FRMPD4: variants seen among roughly 807,000 people sequenced by gnomAD.
FRMPD4 encodes FERM and PDZ domain-containing protein 4.
In FRMPD4, 22 loss-of-function variants were observed where a neutral mutation model predicts 94.1. That is an observed-to-expected ratio of 0.23 (90% CI 0.17 to 0.33). The LOEUF (loss-of-function observed/expected upper bound fraction) is 0.33. FRMPD4 is among the 10% of genes least tolerant of loss of function. The pLI is 1.00. For missense variants in FRMPD4, 1,111 were observed against 1,339.9 expected (o/e 0.83, Z 2.67); for synonymous variants, 631 against 548.6 (o/e 1.15, Z -2.10).
At chrX:11,878,617 A>G (rs1038015046) in intron 3 of FRMPD4, among the ~76,000 whole-genome samples, 1 of 112,511 alleles carries the variant, frequency 8.9e-6, no homozygotes, top group African/African-American at 3.2e-5. Flanking sequence ...AATTTTACAG[A>G]AAGTTCAGAC....
At chrX:12,667,600 G>C (rs2059793314) in intron 4 of FRMPD4, among the ~76,000 whole-genome samples, 1 of 112,554 alleles carries the variant, frequency 8.9e-6, no homozygotes, top group Non-Finnish European at 1.9e-5. Context: ...TCATTGTTTA[G>C]AGGGATTGTA....
chrX:11,962,465 C>T (rs2147373954), intron 3 of FRMPD4, among the ~76,000 whole-genome samples: 1 of 111,994 alleles, frequency 8.9e-6, no homozygotes, highest in Non-Finnish European at 1.9e-5. Flanking sequence ...AACACTATCA[C>T]ATTGGGTATT....
At chrX:12,674,992 G>A (rs1159352217) in intron 5 of FRMPD4, 84 bp downstream of exon 5, 6 of 636,716 alleles carry the variant, frequency 9.4e-6, no homozygotes, top group African/African-American at 2.2e-5. Flanking sequence ...CCATAATGAT[G>A]AATAACAGCA....
intron 3 of FRMPD4, among the ~76,000 whole-genome samples, chrX:12,106,363 T>C (rs1430010438): frequency 1.8e-5 from 2 of 111,767 alleles, no homozygotes; most frequent in Non-Finnish European, 3.8e-5. Context: ...TAATATACAA[T>C]AGGCCAATTT....
chrX:12,082,182 T>C (rs755876113), intron 3 of FRMPD4, among the ~76,000 whole-genome samples: 15 of 112,022 alleles, frequency 1.3e-4, no homozygotes, highest in Admixed American at 4.7e-4. Context: ...GGTTTGGCTG[T>C]GTCATGACCC....
intron 1 of FRMPD4, among the ~76,000 whole-genome samples, chrX:12,160,068 G>GGGGT (rs759761653): frequency 2.7e-3 from 274 of 100,077 alleles, no homozygotes; most frequent in Non-Finnish European, 3.3e-3. Flanking sequence ...GATGTTGAGG[G>GGGGT]GTGTGTGTGT....
chrX:12,384,983 G>T, intron 1 of FRMPD4, among the ~76,000 whole-genome samples: 1 of 112,402 alleles, frequency 8.9e-6, no homozygotes, highest in East Asian at 2.8e-4. Context: ...AAATTAAGCA[G>T]CAGGCCTGCT....
chrX:12,462,245 T>C (rs1272073064), intron 1 of FRMPD4, among the ~76,000 whole-genome samples: 3 of 111,819 alleles, frequency 2.7e-5, no homozygotes, highest in Non-Finnish European at 5.6e-5. Context: ...TTGTAGATAA[T>C]ACTCTATTTA....
chrX:11,958,832 A>T (rs1377057661), intron 3 of FRMPD4, among the ~76,000 whole-genome samples: 2 of 112,200 alleles, frequency 1.8e-5, no homozygotes, highest in African/African-American at 6.5e-5. Flanking sequence ...GCAAATTTGG[A>T]ACTAATTCTC....
intron 2 of FRMPD4, among the ~76,000 whole-genome samples, chrX:11,877,037 C>T (rs1007742961): frequency 8.9e-6 from 1 of 111,808 alleles, no homozygotes; most frequent in African/African-American, 3.3e-5. Flanking sequence ...TCAATAACGT[C>T]AAGGTTGAGA....
chrX:12,539,256 C>T (rs1033476719), intron 2 of FRMPD4, among the ~76,000 whole-genome samples: 5 of 111,459 alleles, frequency 4.5e-5, no homozygotes, highest in Non-Finnish European at 7.5e-5. Flanking sequence ...TAAAAAGAAA[C>T]GAACAAAGCC....
At chrX:11,996,518 T>C (rs2054497125) in intron 3 of FRMPD4, among the ~76,000 whole-genome samples, 1 of 112,534 alleles carries the variant, frequency 8.9e-6, no homozygotes, top group African/African-American at 3.2e-5. Flanking sequence ...ACAATAGGTA[T>C]AAACATTTAA....
chrX:12,541,165 T>A lies in FRMPD4; in HGVS notation c.158+42369T>A, dbSNP rs190433739. Among the ~76,000 whole-genome samples the A allele has an allele frequency of 2.6e-3, 287 of 111,257 alleles. 1 individual carries two copies. Among genetic ancestry groups the A allele is most frequent in the Non-Finnish European group, 3.3e-3 (175 of 53,030 alleles). ...AAGATCTAAAATTGATACCCTAACA[T>A]CACAATTAAAAGAACTAGAGAAGCA... On this transcript the variant is annotated intron_variant, in intron 2 of 16. Coordinates refer to ENST00000675598, the MANE Select transcript of FRMPD4 (RefSeq NM_001368397.1).
At chrX:12,543,071 C>A (rs1270848927) in intron 2 of FRMPD4, among the ~76,000 whole-genome samples, 1 of 111,759 alleles carries the variant, frequency 8.9e-6, no homozygotes, top group Non-Finnish European at 1.9e-5. Context: ...TTCCTTACAC[C>A]TTGTACAAAA....
chrX:12,342,680 A>C (rs4300167), intron 1 of FRMPD4, among the ~76,000 whole-genome samples: 39,572 of 110,977 alleles, frequency 0.36, 6,550 homozygotes, highest in African/African-American at 0.65. Flanking sequence ...GGTAGGAATG[A>C]CATGTGTATG....
At chrX:12,510,492 C>T (rs1179632985) in intron 2 of FRMPD4, among the ~76,000 whole-genome samples, 2 of 111,632 alleles carry the variant, frequency 1.8e-5, no homozygotes, top group Non-Finnish European at 3.8e-5. Context: ...ATACACAAAA[C>T]AGGATAATGT....
chrX:12,398,936 A>G (rs191227433), intron 1 of FRMPD4, among the ~76,000 whole-genome samples: 195 of 111,270 alleles, frequency 1.8e-3, no homozygotes, highest in African/African-American at 6.0e-3. Context: ...TCTGTGGACC[A>G]TCTTTAAAGT....
At chrX:11,960,284 G>A (rs1375129318) in intron 3 of FRMPD4, among the ~76,000 whole-genome samples, 1 of 111,934 alleles carries the variant, frequency 8.9e-6, no homozygotes, top group African/African-American at 3.3e-5. Flanking sequence ...GGATTTTAAA[G>A]GCTGAAAAAT....
intron 3 of FRMPD4, among the ~76,000 whole-genome samples, chrX:12,118,786 C>CA (rs1419713921): frequency 8.9e-6 from 1 of 112,194 alleles, no homozygotes; most frequent in Non-Finnish European, 1.9e-5. Flanking sequence ...ACACAGGAAT[C>CA]AAAATGCAGC....
Sources: allele counts gnomAD v4.1 joint callset (sites outside exome capture counted in the v4.1 genomes callset), GRCh38; gene constraint gnomAD v4.1.1; transcripts MANE v1.5; gene names NCBI Gene and HGNC (gene_info 2026-07-23, HGNC 2026-07-21).